ACTR1A: variants seen among roughly 807,000 people sequenced by gnomAD.
ACTR1A encodes alpha-centractin.
A neutral mutation model predicts 50.7 loss-of-function variants in ACTR1A; 10 were observed. The ratio of observed to expected loss-of-function variants is 0.20; its 90% confidence interval spans 0.12 to 0.33. The LOEUF (loss-of-function observed/expected upper bound fraction) is 0.33, where lower values mean the gene tolerates loss of function less well. ACTR1A is among the 10% of genes least tolerant of loss of function. The pLI, the probability that ACTR1A is intolerant of heterozygous loss-of-function variation, is 1.00. For missense variants in ACTR1A, 253 were observed against 491.7 expected (o/e 0.51, Z 4.59); for synonymous variants, 177 against 184.2 (o/e 0.96, Z 0.32).
intron 4 of ACTR1A, among the ~76,000 whole-genome samples, chr10:102,486,564 T>C (rs944862066): frequency 2.6e-5 from 4 of 151,888 alleles, no homozygotes; most frequent in Non-Finnish European, 5.9e-5. Flanking sequence ...TGGTGGTGCA[T>C]GCCTGTAATC....
intron 1 of ACTR1A, among the ~76,000 whole-genome samples, chr10:102,493,859 A>G (rs187567004): frequency 6.6e-6 from 1 of 152,360 alleles, no homozygotes; most frequent in East Asian, 1.9e-4. Flanking sequence ...CTGAATGACC[A>G]GCTGAAATGA....
Position 102,483,033 on chromosome 10 carries a change from A to G in ACTR1A, c.728T>C (p.Leu243Pro). Residue 243 changes from leucine (L) to proline (P), a missense_variant, in exon 7 of 11, where the codon CTG becomes CCG. By Grantham distance (98) the Leu-to-Pro change is moderately conservative. Around this residue, in one of 4 missense-constraint regions of ACTR1A, gnomAD observed 116 missense variants for 155.9 expected, o/e 0.74. Transcript: ENST00000369905. Reference protein sequence around the residue: ...TLETEKAQYYLPDGSTIEIGP... With the variant: ...TLETEKAQYYPPDGSTIEIGP... ...TACCTCAATGGTGCTGCCATCAGGC[A>G]GGTAGTACTGAGCTTTCTCTGTCTC... is the stretch of plus-strand genomic sequence containing the variant. The G allele has an allele frequency of 6.2e-7, 1 of 1,614,186 alleles. No individual in the cohort carries two copies.
rs2062134576 is a variant in ACTR1A at position 102,480,704 on chromosome 10, G to GC, written c.*158dup. On this transcript the variant is annotated 3_prime_UTR_variant, in exon 11 of 11. Transcript: ENST00000369905. ...GCAGGTAGTTCATCGTCCTTTCTGG[G>GC]CCCAGGGTCCCAGGGCCACACGGCA... 1 of 668,474 alleles carries GC rather than the reference G, an allele frequency of 1.5e-6. No homozygotes were observed. Among genetic ancestry groups the GC allele is most frequent in the African/African-American group, 1.8e-5 (1 of 56,062 alleles). 41.4% of individuals were successfully genotyped at this position (668,474 alleles called of 1,614,324 possible).
intron 9 of ACTR1A, 149 bp downstream of exon 9, chr10:102,481,688 G>C: frequency 1.1e-6 from 1 of 872,382 alleles, no homozygotes; most frequent in East Asian, 2.4e-5. Flanking sequence ...CTAGACCTCA[G>C]GGTCAGTGTA....
intron 4 of ACTR1A, among the ~76,000 whole-genome samples, chr10:102,487,437 G>A (rs1050289127): frequency 6.6e-6 from 1 of 151,920 alleles, no homozygotes; most frequent in Admixed American, 6.6e-5. Flanking sequence ...AAAATTAGCC[G>A]GGCATGGTGG....
At position 102,479,659 on chromosome 10, in the gene ACTR1A, A is replaced by T. The variant is rs2062128751; in HGVS notation, c.*1204T>A. On this transcript the variant is annotated 3_prime_UTR_variant, in exon 11 of 11. Coordinates refer to ENST00000369905, the MANE Select transcript of ACTR1A (RefSeq NM_005736.4). This position sits in a 1 kb window ranked among gnomAD's most constrained non-coding sequence, Gnocchi z 4.0. ...CCAAGGTCAAGAATGGCACAAGATC[A>T]GCCCAGAGGGGGCCTTCCCACCTCT... The T allele has an allele frequency of 7.8e-7, 1 of 1,289,392 alleles. No homozygotes were observed. Among genetic ancestry groups the T allele is most frequent in the Admixed American group, 2.3e-5 (1 of 43,548 alleles). The allele number at this position is 1,289,392 out of a possible 1,614,324, so 79.9% of individuals were successfully genotyped here. A position where few individuals can be genotyped will look rare whatever the true frequency, so the allele number is the denominator to read the frequency against.
At chr10:102,487,707 C>T (rs1161593751) in intron 4 of ACTR1A, among the ~76,000 whole-genome samples, 2 of 149,222 alleles carry the variant, frequency 1.3e-5, no homozygotes, top group Non-Finnish European at 3.0e-5. Context: ...TCTCGGCTCA[C>T]TGCAAGCTCC....
In ACTR1A at chr10:102,488,053, C is replaced by T; in HGVS notation, c.315+97G>A. 1 of 1,448,948 alleles carries T rather than the reference C, an allele frequency of 6.9e-7. No homozygotes were observed. The highest frequency in any genetic ancestry group is 9.5e-7 in the Non-Finnish European group (1 of 1,052,010). The allele number at this position is 1,448,948 out of a possible 1,614,324, so 89.8% of individuals were successfully genotyped here. ...CTGAAAATCAAATGGCTCCAGCACT[C>T]TTGGCAGTGATCATCGTCCTCCTCA... On this transcript the variant is annotated intron_variant, in intron 4 of 10. Coordinates refer to ENST00000369905, the MANE Select transcript of ACTR1A (RefSeq NM_005736.4). This position sits in a 1 kb window ranked among gnomAD's most constrained non-coding sequence, Gnocchi z 4.4.
chr10:102,481,292 C>G, intron 9 of ACTR1A, 120 bp from the exon 10 acceptor site: 1 of 1,157,654 alleles, frequency 8.6e-7, no homozygotes, highest in Non-Finnish European at 1.2e-6. Flanking sequence ...AAGCTCTGGC[C>G]TCTCTGGAGG....
At position 102,480,760 on chromosome 10, in the gene ACTR1A, C is replaced by A; in HGVS notation, c.*103G>T. 1 of 941,076 alleles carries A rather than the reference C, an allele frequency of 1.1e-6. No homozygotes were observed. The highest frequency in any genetic ancestry group is 1.7e-6 in the Non-Finnish European group (1 of 576,890). 58.3% of individuals were successfully genotyped at this position (941,076 alleles called of 1,614,324 possible). A position where few individuals can be genotyped will look rare whatever the true frequency, so the allele number is the denominator to read the frequency against. On this transcript the variant is annotated 3_prime_UTR_variant, in exon 11 of 11. Coordinates refer to ENST00000369905, the MANE Select transcript of ACTR1A (RefSeq NM_005736.4). ...ATGTGCACACACACTCATATCCACA[C>A]ACGCACTCACACACAGGCAGTTCCT...
Position 102,481,140 on chromosome 10 carries a change from C to G in ACTR1A, c.1020G>C (p.Thr340=), listed in dbSNP as rs752202872. 2 of 1,607,930 alleles carry G rather than the reference C, an allele frequency of 1.2e-6. No individual in the cohort carries two copies. The highest frequency in any genetic ancestry group is 8.5e-7 in the Non-Finnish European group (1 of 1,176,618). The change falls in exon 10 of 11, where the codon ACG becomes ACC. Residue 340 remains threonine (T), a synonymous_variant. Coordinates refer to ENST00000369905, the MANE Select transcript of ACTR1A (RefSeq NM_005736.4). The part of the protein sequence containing the change: ...ISAPQERLYS[T]WIGGSILASL... ...CTGGAAGAGCTACTCACCCAATCCA[C>G]GTGGAATACAGTCTCTCCTGAGGTG...
intron 5 of ACTR1A, among the ~76,000 whole-genome samples, 169 bp downstream of exon 5, chr10:102,485,440 C>A (rs554856874): frequency 2.6e-4 from 39 of 152,224 alleles, no homozygotes; most frequent in Non-Finnish European, 5.0e-4. Context: ...AACTACGAAG[C>A]CTCAGTGCTC....
rs532527799 is a variant in ACTR1A at position 102,485,539 on chromosome 10, G to A, written c.440+70C>T. 2.5e-4 allele frequency: 405 copies of A among 1,598,298 alleles called. 1 individual carries two copies. The highest frequency in any genetic ancestry group is 2.0e-3 in the Middle Eastern group (9 of 4,530). ...CAAGTTACTCTGAACCATTCCAGAG[G>A]AGAGCCAGCCTCAGCTGTGCCAAAG... On this transcript the variant is annotated intron_variant, in intron 5 of 10. Coordinates refer to ENST00000369905, the MANE Select transcript of ACTR1A (RefSeq NM_005736.4).
chr10:102,495,755 ATTTTT>A lies in ACTR1A; in HGVS notation c.49-5147_49-5143del, dbSNP rs79530206. On this transcript the variant is annotated intron_variant, in intron 1 of 10. Transcript: ENST00000369905. ...AAATAAATAAATAAATAAATACACAATTTTTTTTTTTTTTTTTTTTTTTGATACGG... is the reference window on the plus strand; with the variant it reads ...AAATAAATAAATAAATAAATACACAATTTTTTTTTTTTTTTTTTGATACGG... Among the ~76,000 whole-genome samples the A allele has an allele frequency of 3.0e-3, 302 of 99,572 alleles. 1 individual carries two copies. The highest frequency in any genetic ancestry group is 0.013 in the Middle Eastern group (2 of 156). The allele number at this position is 99,572 out of a possible 152,430, so 65.3% of individuals were successfully genotyped here. A position where few individuals can be genotyped will look rare whatever the true frequency, so the allele number is the denominator to read the frequency against.
intron 5 of ACTR1A, 148 bp from the exon 6 acceptor site, chr10:102,484,524 GC>G (rs2062157825): frequency 2.9e-6 from 2 of 688,870 alleles, no homozygotes; most frequent in Non-Finnish European, 4.9e-6. Context: ...TACTAAGGAA[GC>G]CCAGGTGTTG....
rs745430911 is a variant in ACTR1A at position 102,489,206 on chromosome 10, T to C, written c.114-68A>G. On this transcript the variant is annotated intron_variant, in intron 2 of 10. Transcript: ENST00000369905. The stretch of plus-strand genomic sequence containing the variant: ...ACAGAACACAGGAAGGATGTATAGA[T>C]GTACATACACACTCAAATTCTACTG... The C allele has an allele frequency of 3.4e-4, 392 of 1,137,218 alleles. 1 individual carries two copies. In the Middle Eastern group the frequency reaches 4.2e-3, roughly 12 times the overall value. 70.4% of individuals were successfully genotyped at this position (1,137,218 alleles called of 1,614,324 possible). A position where few individuals can be genotyped will look rare whatever the true frequency, so the allele number is the denominator to read the frequency against.
At chr10:102,486,891 G>GTC (rs2062171186) in intron 4 of ACTR1A, among the ~76,000 whole-genome samples, 1 of 151,050 alleles carries the variant, frequency 6.6e-6, no homozygotes, top group Non-Finnish European at 1.5e-5. Context: ...GGCTCAAGCA[G>GTC]TCCTCCCACC....
At chr10:102,490,232 CAAAAA>C (rs145472595) in intron 2 of ACTR1A, among the ~76,000 whole-genome samples, 1 of 45,728 alleles carries the variant, frequency 2.2e-5, no homozygotes, top group Non-Finnish European at 4.3e-5. Context: ...GACTCCGTCT[CAAAAA>C]AAAAAAAAAA....
intron 1 of ACTR1A, among the ~76,000 whole-genome samples, chr10:102,499,500 A>T (rs2062237222): frequency 6.6e-6 from 1 of 152,244 alleles, no homozygotes. Flanking sequence ...AAATCTTGAA[A>T]CTAAAAATGC....
Sources: gnomAD v4.1 joint callset for allele counts (sites outside exome capture counted in the v4.1 genomes callset) on GRCh38, gnomAD v4.1.1 for gene constraint, gnomAD v4.1.1 regional missense constraint, Gnocchi (gnomAD v3.1) non-coding constraint, MANE v1.5 for transcripts, NCBI Gene and HGNC (gene_info 2026-07-23, HGNC 2026-07-21) for gene names.